The following DNAH14 variants were observed in gnomAD, a reference collection of about 807,000 sequenced individuals.
DNAH14 encodes the protein axonemal beta dynein heavy chain 14.
A neutral mutation model predicts 520.9 loss-of-function variants in DNAH14; 478 were observed. The ratio of observed to expected loss-of-function variants is 0.92; its 90% CI spans 0.85 to 0.99. The LOEUF is 0.99. DNAH14 is among the 50% of genes least tolerant of loss of function. The pLI is 0.00. For synonymous variants in DNAH14, 1,581 were observed against 1,757.2 expected (o/e 0.90, Z 2.51); for missense variants, 4,831 against 5,234.5 (o/e 0.92, Z 2.38).
chr1:225,250,846 G>A, intron 43 of DNAH14: 1 of 422,474 alleles, frequency 2.4e-6, no homozygotes, highest in Non-Finnish European at 4.3e-6. Flanking sequence ...TGGCTTTGGG[G>A]TGATTAGGGT....
In DNAH14 at chr1:225,185,499, C is replaced by G. The variant is rs1168510059; in HGVS notation, c.5670+74C>G. On this transcript the variant is annotated intron_variant, in intron 37 of 85. Coordinates refer to ENST00000682510, the MANE Select transcript of DNAH14 (RefSeq NM_001367479.1). The stretch of plus-strand genomic sequence containing the variant: ...TTTACACTTTAATATTTTATGTTCT[C>G]TTTATATTGGTATTTTCATTACTTA... 2.2e-6 allele frequency: 3 copies of G among 1,365,676 alleles called. No individual in the cohort carries two copies. The East Asian group carries it at 8.4e-5, about 38-fold the overall frequency. 84.6% of individuals were successfully genotyped at this position (1,365,676 alleles called of 1,614,324 possible).
intron 27 of DNAH14, among the ~76,000 whole-genome samples, chr1:225,126,016 A>C (rs2077685884): frequency 1.3e-5 from 2 of 152,176 alleles, no homozygotes; most frequent in Non-Finnish European, 2.9e-5. Context: ...TATTTGGTGA[A>C]GAAGATAAGA....
At chr1:225,105,061 G>T (rs1332945682) in intron 23 of DNAH14, among the ~76,000 whole-genome samples, 2 of 152,158 alleles carry the variant, frequency 1.3e-5, no homozygotes, top group Non-Finnish European at 2.9e-5. Flanking sequence ...CTTTGAATGT[G>T]TCCCATAGAT....
At chr1:225,389,995 C>A in intron 83 of DNAH14, 122 bp downstream of exon 83, 1 of 861,398 alleles carries the variant, frequency 1.2e-6, no homozygotes, top group South Asian at 1.7e-5. Context: ...CCACAGGTGC[C>A]TGGGTCTCTA....
intron 27 of DNAH14, among the ~76,000 whole-genome samples, chr1:225,132,474 G>C (rs1025188331): frequency 6.6e-6 from 1 of 151,988 alleles, no homozygotes; most frequent in South Asian, 2.1e-4. Flanking sequence ...ATGGTGTTTG[G>C]TTTTCTGTTC....
At chr1:225,118,644 A>G (rs915333597) in intron 25 of DNAH14, among the ~76,000 whole-genome samples, 1 of 152,146 alleles carries the variant, frequency 6.6e-6, no homozygotes, top group Non-Finnish European at 1.5e-5. Context: ...ACACTTTGGG[A>G]GGCCGAGGCA....
At position 225,159,361 on chromosome 1, in the gene DNAH14, T is replaced by C; in HGVS notation, c.5321T>C (p.Ile1774Thr). ...GAAGCAGATGAAACCTTGATTGTTATCGAGGCTATAAGAGAAGCTAGTTTG... is the reference window on the plus strand; with the variant it reads ...GAAGCAGATGAAACCTTGATTGTTACCGAGGCTATAAGAGAAGCTAGTTTG... ...LSEADETLIV[I>T]EAIREASLPK... is the part of the protein sequence containing the mutation. The change falls in exon 35 of 86, where the codon ATC becomes ACC. Residue 1774 changes from isoleucine to threonine, a missense_variant. By Grantham distance (89) the Ile-to-Thr change is moderately conservative. Coordinates refer to ENST00000682510, the MANE Select transcript of DNAH14 (RefSeq NM_001367479.1). 1.3e-6 allele frequency: 2 copies of C among 1,551,848 alleles called. No individual in the cohort carries two copies. Among genetic ancestry groups the C allele is most frequent in the Non-Finnish European group, 1.7e-6 (2 of 1,146,944 alleles).
At chr1:225,205,914 G>A in intron 39 of DNAH14, 57 bp from the exon 40 acceptor site, 6 of 1,377,768 alleles carry the variant, frequency 4.4e-6, no homozygotes, top group Non-Finnish European at 6.0e-6. Flanking sequence ...TAGCAAGATT[G>A]TAATGAAAGA....
At chr1:224,944,834 G>T (rs1312389362) in intron 1 of DNAH14, among the ~76,000 whole-genome samples, 1 of 152,160 alleles carries the variant, frequency 6.6e-6, no homozygotes, top group Non-Finnish European at 1.5e-5. Flanking sequence ...ACTCTCTTTT[G>T]GCTTGTAGAG....
chr1:225,290,647 G>GTATA (rs56045354), intron 55 of DNAH14, among the ~76,000 whole-genome samples: 104 of 57,516 alleles, frequency 1.8e-3, no homozygotes, highest in Non-Finnish European at 2.5e-3. Flanking sequence ...GTGTGTGTGT[G>GTATA]TATATATATA....
At chr1:225,049,093 T>C in intron 15 of DNAH14, among the ~76,000 whole-genome samples, 1 of 128,182 alleles carries the variant, frequency 7.8e-6, no homozygotes, top group East Asian at 2.7e-4. Context: ...GGAGTCTTGC[T>C]CTATCACCCA....
chr1:224,998,495 T>C (rs2063540108), intron 8 of DNAH14, among the ~76,000 whole-genome samples: 1 of 152,198 alleles, frequency 6.6e-6, no homozygotes, highest in Non-Finnish European at 1.5e-5. Context: ...GAATTTTTAA[T>C]TTTCCTCGAG....
At chr1:225,259,078 T>G in intron 45 of DNAH14, 43 bp from the exon 46 acceptor site, 1 of 1,485,298 alleles carries the variant, frequency 6.7e-7, no homozygotes, top group Non-Finnish European at 8.9e-7. Flanking sequence ...ACATGTATCA[T>G]TTTCTTGCAT....
chr1:225,014,419 T>G (rs1572467525), intron 10 of DNAH14, among the ~76,000 whole-genome samples: 2 of 6,266 alleles, frequency 3.2e-4, no homozygotes, highest in South Asian at 0.023. Context: ...TCCTCACTAG[T>G]TTTTTTTTTT....
chr1:225,020,886 T>C (rs142197340), intron 10 of DNAH14, among the ~76,000 whole-genome samples: 1,614 of 152,286 alleles, frequency 0.011, 17 homozygotes, highest in Non-Finnish European at 0.014. Flanking sequence ...CCAATATACC[T>C]AATGAACACA....
At chr1:225,358,382 T>C in intron 73 of DNAH14, 114 bp from the exon 74 acceptor site, 1 of 964,728 alleles carries the variant, frequency 1.0e-6, no homozygotes, top group Non-Finnish European at 1.5e-6. Flanking sequence ...ACAGGAAAAC[T>C]CTGGCTGAAA....
intron 11 of DNAH14, among the ~76,000 whole-genome samples, chr1:225,034,568 C>T (rs2066803340): frequency 7.2e-6 from 1 of 139,606 alleles, no homozygotes; most frequent in Middle Eastern, 3.8e-3. Flanking sequence ...GTTTTGGTAT[C>T]AAGATGATGC....
chr1:225,356,386 G>T (rs1448797617), intron 73 of DNAH14, among the ~76,000 whole-genome samples: 1 of 152,132 alleles, frequency 6.6e-6, no homozygotes, highest in African/African-American at 2.4e-5. Context: ...CACTGAAGTT[G>T]AATGTTAGTT....
chr1:225,315,690 C>G (rs934853622), intron 60 of DNAH14, among the ~76,000 whole-genome samples: 6 of 152,152 alleles, frequency 3.9e-5, no homozygotes, highest in African/African-American at 1.4e-4. Flanking sequence ...ACAGTCAGGC[C>G]CCTCTTCTGC....
Sources: allele counts gnomAD v4.1 joint callset (sites outside exome capture counted in the v4.1 genomes callset), GRCh38; gene constraint gnomAD v4.1.1; transcripts MANE v1.5; gene names NCBI Gene and HGNC (gene_info 2026-07-23, HGNC 2026-07-21).